Variants in POM121C observed in about 807,000 individuals in gnomAD.
POM121C encodes the protein nuclear envelope pore membrane protein POM 121C.
In POM121C, 20 loss-of-function variants were observed where a neutral mutation model predicts 66.4. That is an observed-to-expected ratio of 0.30 (90% confidence interval 0.21 to 0.44). The LOEUF is 0.44. Ranked by LOEUF, POM121C falls within the 20% of genes least tolerant of loss-of-function variation. POM121C has a pLI of 1.00. For missense variants in POM121C, 580 were observed against 1,225.7 expected, an observed-to-expected ratio of 0.47 and a Z score of 7.87; for synonymous variants, 286 against 528.0, an observed-to-expected ratio of 0.54 and a Z score of 6.28.
At chr7:75,440,840 C>T in intron 5 of POM121C, 114 bp downstream of exon 5, 2 of 1,558,622 alleles carry the variant, frequency 1.3e-6, no homozygotes, top group South Asian at 1.2e-5. Context: ...AAGAAGGAGG[C>T]CTATGAAGGC....
chr7:75,477,366 T>C (rs1183558581), intron 1 of POM121C, among the ~76,000 whole-genome samples: 2 of 152,238 alleles, frequency 1.3e-5, no homozygotes, highest in Non-Finnish European at 2.9e-5. Flanking sequence ...GCAGATCACC[T>C]GAGGTCAGGA....
At chr7:75,479,160 T>C (rs1348212275) in intron 1 of POM121C, among the ~76,000 whole-genome samples, 4 of 152,082 alleles carry the variant, frequency 2.6e-5, no homozygotes, top group African/African-American at 9.7e-5. Flanking sequence ...AATGAAGACA[T>C]TTGCAGACAT....
intron 1 of POM121C, among the ~76,000 whole-genome samples, chr7:75,485,177 A>C (rs1258380974): frequency 6.6e-6 from 1 of 152,172 alleles, no homozygotes; most frequent in Non-Finnish European, 1.5e-5. Flanking sequence ...AAACTGCTTA[A>C]AATAAAATAA....
chr7:75,423,271 G>A (rs1789796254), intron 12 of POM121C, 68 bp from the exon 13 acceptor site: 4 of 1,573,198 alleles, frequency 2.5e-6, no homozygotes, highest in East Asian at 2.2e-5. Context: ...CAGTATTTCA[G>A]CGTCCTCCCC....
intron 12 of POM121C, among the ~76,000 whole-genome samples, chr7:75,423,777 C>T (rs1452884952): frequency 5.3e-5 from 8 of 151,638 alleles, no homozygotes; most frequent in Admixed American, 2.0e-4. Context: ...GGTGCTGCAC[C>T]GGGAAGATCA....
intron 3 of POM121C, among the ~76,000 whole-genome samples, chr7:75,470,609 G>A (rs1263110328): frequency 8.6e-5 from 13 of 151,422 alleles, no homozygotes; most frequent in East Asian, 4.0e-4. Context: ...CTACAGGTGC[G>A]TGCCACCATG....
Position 75,418,602 on chromosome 7 carries a change from T to C in POM121C, c.*194A>G. On this transcript the variant is annotated 3_prime_UTR_variant, in exon 15 of 15. Transcript: ENST00000615331. ...CGGGCTTTGGCCCTCCGCATCCTGC[T>C]TCCCCTTCCCTGAGGCTTGTGCTTC... 7.6e-7 allele frequency: 1 copy of C among 1,311,686 alleles called. No homozygotes were observed. Among genetic ancestry groups the C allele is most frequent in the South Asian group, 1.7e-5 (1 of 59,916 alleles). 81.3% of individuals were successfully genotyped at this position (1,311,686 alleles called of 1,614,324 possible).
chr7:75,452,389 G>A (rs1554475650), intron 3 of POM121C, among the ~76,000 whole-genome samples: 1 of 152,194 alleles, frequency 6.6e-6, no homozygotes, highest in African/African-American at 2.4e-5. Context: ...GAACCTGGGA[G>A]GTGGGAGGCA....
At chr7:75,438,798 A>AATTTGTTTTT (rs1277925134) in intron 6 of POM121C, among the ~76,000 whole-genome samples, 13 of 152,170 alleles carry the variant, frequency 8.5e-5, no homozygotes, top group Admixed American at 7.2e-4. Context: ...TTCTTCCTCC[A>AATTTGTTTTT]ATTTGTTTTT....
At position 75,441,583 on chromosome 7, in the gene POM121C, T is replaced by A. The variant is rs13240189; in HGVS notation, c.-87A>T. Reference sequence around the variant, plus strand: ...AGTACCCCCGGACAGGAATACTGGGTCTGATGGATCGGATAGCGTCTTCGA... The same window carrying A: ...AGTACCCCCGGACAGGAATACTGGGACTGATGGATCGGATAGCGTCTTCGA... On this transcript the variant is annotated 5_prime_UTR_variant, in exon 4 of 15. Transcript: ENST00000615331. The A allele has an allele frequency of 6.2e-7, 1 of 1,607,476 alleles. No homozygotes were observed. Among genetic ancestry groups the A allele is most frequent in the Non-Finnish European group, 8.5e-7 (1 of 1,176,688 alleles).
chr7:75,481,030 AAT>A (rs201637708), intron 1 of POM121C, among the ~76,000 whole-genome samples: 3,556 of 133,820 alleles, frequency 0.027, 46 homozygotes, highest in East Asian at 0.047. Context: ...TAGTTCAAAA[AAT>A]ATATATATAT....
Position 75,485,888 on chromosome 7 carries a change from C to T in POM121C, c.-482G>A, listed in dbSNP as rs1792519604. 2.0e-6 allele frequency: 1 copy of T among 503,656 alleles called. No homozygotes were observed. The highest frequency in any genetic ancestry group is 1.4e-5 in the South Asian group (1 of 69,880). 31.2% of individuals were successfully genotyped at this position (503,656 alleles called of 1,614,324 possible). ...CCCTCCTGGGGCTCCGCAGCCTCTG[C>T]CCCACGGCTCCCGAGAGGCCGGGGC... On this transcript the variant is annotated 5_prime_UTR_variant, in exon 1 of 15. Transcript: ENST00000615331.
chr7:75,465,693 C>A (rs146623688), intron 3 of POM121C, among the ~76,000 whole-genome samples: 10,899 of 147,932 alleles, frequency 0.074, 491 homozygotes, highest in Non-Finnish European at 0.1. Flanking sequence ...GTGGAGGTTG[C>A]AGTGAGCCAA....
chr7:75,453,912 C>T (rs1330479507), intron 3 of POM121C, among the ~76,000 whole-genome samples: 2 of 152,202 alleles, frequency 1.3e-5, no homozygotes, highest in Non-Finnish European at 2.9e-5. Flanking sequence ...TCCATGTGGC[C>T]CCTCGCAGTC....
intron 3 of POM121C, among the ~76,000 whole-genome samples, chr7:75,448,220 G>A (rs1447417096): frequency 3.6e-4 from 54 of 151,958 alleles, no homozygotes; most frequent in Non-Finnish European, 5.9e-4. Flanking sequence ...CTGGGTAACA[G>A]AGCGAGACTC....
chr7:75,437,454 C>T (rs1372548499), intron 7 of POM121C, 61 bp downstream of exon 7: 2 of 1,561,622 alleles, frequency 1.3e-6, no homozygotes, highest in Admixed American at 1.8e-5. Flanking sequence ...ATGTCTGGCC[C>T]TAATCAATGA....
intron 3 of POM121C, among the ~76,000 whole-genome samples, chr7:75,462,835 T>C (rs1489598796): frequency 2.0e-4 from 30 of 152,100 alleles, no homozygotes; most frequent in African/African-American, 7.0e-4. Context: ...GAGAAGAAGC[T>C]GTGGAGAGTT....
At chr7:75,428,017 A>G (rs1790023443) in intron 7 of POM121C, among the ~76,000 whole-genome samples, 1 of 152,240 alleles carries the variant, frequency 6.6e-6, no homozygotes, top group Non-Finnish European at 1.5e-5. Flanking sequence ...GGCATATAAA[A>G]GAGCAGAATA....
intron 3 of POM121C, among the ~76,000 whole-genome samples, chr7:75,461,923 A>G (rs1470099611): frequency 1.2e-4 from 18 of 150,038 alleles, no homozygotes; most frequent in Admixed American, 1.2e-3. Context: ...AAAATATAAC[A>G]TGTTGACTGG....
Sources: allele counts gnomAD v4.1 joint callset (sites outside exome capture counted in the v4.1 genomes callset), GRCh38; gene constraint gnomAD v4.1.1; transcripts MANE v1.5; gene names NCBI Gene and HGNC (gene_info 2026-07-23, HGNC 2026-07-21).